The following CCDC88C variants were observed in gnomAD, a reference collection of about 807,000 sequenced individuals.
CCDC88C encodes protein Daple.
Under a neutral mutation model 198.8 loss-of-function variants are expected in CCDC88C, and 131 were observed. The ratio of observed to expected loss-of-function variants is 0.66; its 90% CI spans 0.57 to 0.76. The LOEUF is 0.76. Ranked by LOEUF, CCDC88C falls within the 30% of genes least tolerant of loss-of-function variation. CCDC88C has a pLI of 0.00. For missense variants in CCDC88C, 2,553 were observed against 2,631.6 expected (o/e 0.97, Z 0.65); for synonymous variants, 1,166 against 1,114.7 (o/e 1.05, Z -0.92).
chr14:91,370,304 A>G (rs1894734308), intron 3 of CCDC88C, among the ~76,000 whole-genome samples: 1 of 152,250 alleles, frequency 6.6e-6, no homozygotes, highest in Admixed American at 6.5e-5. Flanking sequence ...CAAGAGAGGC[A>G]CAGCACATCT....
Position 91,331,115 on chromosome 14 carries a change from TG to T in CCDC88C, c.1051-5060del, listed in dbSNP as rs1298066343. Among the ~76,000 whole-genome samples, 13 of 33,354 alleles carry T rather than the reference TG, an allele frequency of 3.9e-4. No homozygotes were observed. The East Asian group carries it at 0.017, about 44-fold the overall frequency. 21.9% of individuals were successfully genotyped at this position (33,354 alleles called of 152,430 possible). On this transcript the variant is annotated intron_variant, in intron 10 of 29. Transcript: ENST00000389857. Reference sequence around the variant, plus strand: ...GTGGCTTTGGTAAGTGGGGCGGGGGTGGGGGGAGCGGTGCAGGCACGGCAGG... The same window carrying T: ...GTGGCTTTGGTAAGTGGGGCGGGGGTGGGGGAGCGGTGCAGGCACGGCAGG...
At chr14:91,294,147 G>T (rs1324568485) in intron 23 of CCDC88C, 26 bp downstream of exon 23, 2 of 1,612,424 alleles carry the variant, frequency 1.2e-6, no homozygotes, top group Middle Eastern at 1.7e-4. Flanking sequence ...AGGGTGCGGA[G>T]AGGGGTTCAG....
intron 3 of CCDC88C, among the ~76,000 whole-genome samples, chr14:91,402,205 G>A (rs1185594101): frequency 6.6e-6 from 1 of 152,132 alleles, no homozygotes; most frequent in Non-Finnish European, 1.5e-5. Context: ...GAGCCTGAGA[G>A]GTTGAGACTG....
chr14:91,305,746 T>C lies in CCDC88C; in HGVS notation c.3357+19A>G, dbSNP rs1567063698. 1 of 1,591,122 alleles carries C rather than the reference T, an allele frequency of 6.3e-7. No homozygotes were observed. Among genetic ancestry groups the C allele is most frequent in the East Asian group, 2.3e-5 (1 of 44,228 alleles). ...ATCCCGCCAGGCTTGTGACCACTGGTGTTGGGAGCCCCGCTCACCTGCAGC... is the reference window on the plus strand; with the variant it reads ...ATCCCGCCAGGCTTGTGACCACTGGCGTTGGGAGCCCCGCTCACCTGCAGC... On this transcript the variant is annotated intron_variant, in intron 19 of 29. Coordinates refer to ENST00000389857, the MANE Select transcript of CCDC88C (RefSeq NM_001080414.4).
At chr14:91,356,661 G>C (rs557399529) in intron 4 of CCDC88C, among the ~76,000 whole-genome samples, 1 of 152,038 alleles carries the variant, frequency 6.6e-6, no homozygotes, top group Non-Finnish European at 1.5e-5. Context: ...CAATGGGTGT[G>C]TTTTATAGCA....
At chr14:91,311,489 C>T (rs1050092729) in intron 15 of CCDC88C, among the ~76,000 whole-genome samples, 2 of 152,188 alleles carry the variant, frequency 1.3e-5, no homozygotes, top group African/African-American at 4.8e-5. Context: ...CCTCCTCTAC[C>T]CACCACAGGC....
intron 3 of CCDC88C, chr14:91,408,435 T>A (rs897320875): frequency 7.8e-6 from 4 of 514,840 alleles, no homozygotes; most frequent in South Asian, 4.0e-5. Context: ...TATAGCACGA[T>A]GCTACACACA....
intron 4 of CCDC88C, among the ~76,000 whole-genome samples, chr14:91,350,018 C>T (rs1893715578): frequency 2.0e-5 from 3 of 152,086 alleles, no homozygotes; most frequent in Admixed American, 2.0e-4. Flanking sequence ...CTTCTGAACA[C>T]AGCCCTCCAC....
At chr14:91,346,741 G>A (rs757820551) in intron 4 of CCDC88C, among the ~76,000 whole-genome samples, 3 of 152,202 alleles carry the variant, frequency 2.0e-5, no homozygotes, top group South Asian at 2.1e-4. Flanking sequence ...TCTACCAAAG[G>A]TACAAAAATT....
intron 3 of CCDC88C, among the ~76,000 whole-genome samples, chr14:91,383,419 C>T (rs1884928785): frequency 6.6e-6 from 1 of 152,192 alleles, no homozygotes; most frequent in Non-Finnish European, 1.5e-5. Flanking sequence ...AAGGCCTCCT[C>T]CCCAGCACCA....
chr14:91,322,904 C>CTTTTTT (rs35728972), intron 12 of CCDC88C, among the ~76,000 whole-genome samples: 5,725 of 127,238 alleles, frequency 0.045, 149 homozygotes, highest in Non-Finnish European at 0.057. Context: ...CAGTGTTTCT[C>CTTTTTT]TTTTTTTTTT....
chr14:91,401,650 A>G (rs1011085414), intron 3 of CCDC88C, among the ~76,000 whole-genome samples: 1 of 152,124 alleles, frequency 6.6e-6, no homozygotes, highest in African/African-American at 2.4e-5. Flanking sequence ...ATATTTTTAT[A>G]ATCAAAAATG....
intron 4 of CCDC88C, among the ~76,000 whole-genome samples, chr14:91,349,445 C>T (rs1419745999): frequency 1.3e-5 from 2 of 152,232 alleles, no homozygotes; most frequent in East Asian, 3.8e-4. Flanking sequence ...TATGGTTACA[C>T]TTACTCGAGC....
rs201870308 is a variant in CCDC88C, at chr14:91,303,990, G to T, written c.3358-12C>A. 929 of 1,593,714 alleles carry T rather than the reference G, an allele frequency of 5.8e-4. 2 individuals are homozygous for T. The African/African-American group carries it at 1.0e-2, about 17-fold the overall frequency. The stretch of plus-strand genomic sequence containing the variant: ...GTGGAGTTCTCCACCTGCCGAGAGG[G>T]AGAAGCGCGGCGTGGCGCAGGCCCC... On this transcript the variant is annotated splice_polypyrimidine_tract_variant and intron_variant, in intron 19 of 29. Transcript: ENST00000389857.
intron 29 of CCDC88C, among the ~76,000 whole-genome samples, chr14:91,275,532 C>G (rs1889920063): frequency 6.6e-6 from 1 of 151,022 alleles, no homozygotes; most frequent in African/African-American, 2.4e-5. Flanking sequence ...GGCTGGAGTG[C>G]AGTGGCACAA....
intron 3 of CCDC88C, among the ~76,000 whole-genome samples, chr14:91,396,922 C>T (rs1189745802): frequency 2.0e-5 from 3 of 152,044 alleles, no homozygotes; most frequent in African/African-American, 4.8e-5. Context: ...ATTGCTTGAG[C>T]CTGGCAGGTC....
In CCDC88C at chr14:91,339,535, G is replaced by A. The variant is rs898849092; in HGVS notation, c.625-73C>T. 1.5e-4 allele frequency: 208 copies of A among 1,410,880 alleles called. No individual in the cohort carries two copies. Among genetic ancestry groups the A allele is most frequent in the Middle Eastern group, 7.3e-4 (4 of 5,504 alleles). 87.4% of individuals were successfully genotyped at this position (1,410,880 alleles called of 1,614,324 possible). A position where few individuals can be genotyped will look rare whatever the true frequency, so the allele number is the denominator to read the frequency against. The stretch of plus-strand genomic sequence containing the variant: ...CAGCACAACGCCTGAGCTTGAACAG[G>A]GTGAAGAAACCGCCAAAAGACAGAT... On this transcript the variant is annotated intron_variant, in intron 7 of 29. Transcript: ENST00000389857. The surrounding 1 kb of genome is among the most constrained non-coding windows in gnomAD (Gnocchi z 5.8).
rs1890308711 is a variant in CCDC88C, at chr14:91,284,086, CT to C, written c.4442-570del. ...TCTTGTGCTTTTCTGAAATCTCTAA[CT>C]TTTCTACCATGAACATAAACTCTGG... On this transcript the variant is annotated intron_variant, in intron 25 of 29. Coordinates refer to ENST00000389857, the MANE Select transcript of CCDC88C (RefSeq NM_001080414.4). The surrounding 1 kb of genome is among the most constrained non-coding windows in gnomAD (Gnocchi z 4.1). 6.6e-6 allele frequency among the ~76,000 whole-genome samples: 1 copy of C among 152,204 alleles called. No homozygotes were observed. Among genetic ancestry groups the C allele is most frequent in the Non-Finnish European group, 1.5e-5 (1 of 68,036 alleles).
At chr14:91,279,779 G>T (rs1162400009) in intron 27 of CCDC88C, 5 of 152,590 alleles carry the variant, frequency 3.3e-5, no homozygotes, top group African/African-American at 1.2e-4. Context: ...ACATGTAAGG[G>T]CACGCACCTG....
Sources: allele counts gnomAD v4.1 joint callset (sites outside exome capture counted in the v4.1 genomes callset), GRCh38; gene constraint gnomAD v4.1.1; non-coding constraint Gnocchi (gnomAD v3.1); transcripts MANE v1.5; gene names NCBI Gene and HGNC (gene_info 2026-07-23, HGNC 2026-07-21).